DPH5: variants seen among roughly 807,000 people sequenced by gnomAD.
DPH5 encodes the protein diphthine methyl ester synthase.
A neutral mutation model predicts 31.6 loss-of-function variants in DPH5; 31 were observed. The observed-to-expected ratio is 0.98, with a 90% confidence interval of 0.74 to 1.32. DPH5 has a LOEUF of 1.32. Ranked by LOEUF, DPH5 falls within the 40% of genes most tolerant of loss-of-function variation. DPH5 has a pLI of 0.00. For missense variants in DPH5, 309 were observed against 335.7 expected (o/e 0.92, Z 0.62); for synonymous variants, 120 against 115.0 (o/e 1.04, Z -0.28).
At chr1:100,996,929 A>G (rs1350053573) in intron 5 of DPH5, among the ~76,000 whole-genome samples, 4 of 152,258 alleles carry the variant, frequency 2.6e-5, no homozygotes, top group Admixed American at 6.5e-5. Flanking sequence ...AGAATGCCAG[A>G]TGATAAAACG....
intron 3 of DPH5, among the ~76,000 whole-genome samples, chr1:101,020,764 T>C (rs1660384451): frequency 6.6e-6 from 1 of 152,124 alleles, no homozygotes; most frequent in Non-Finnish European, 1.5e-5. Flanking sequence ...ACTCCTTTCC[T>C]TTTCCTTATC....
At chr1:101,015,922 T>A (rs995919095) in intron 3 of DPH5, among the ~76,000 whole-genome samples, 1 of 152,228 alleles carries the variant, frequency 6.6e-6, no homozygotes, top group African/African-American at 2.4e-5. Context: ...TGCCCTGGAT[T>A]AGACTTTAGC....
chr1:101,016,285 C>T (rs1366090851), intron 3 of DPH5, among the ~76,000 whole-genome samples: 4 of 151,930 alleles, frequency 2.6e-5, no homozygotes, highest in African/African-American at 7.2e-5. Flanking sequence ...ACCCGGGAGG[C>T]GGAGCTTGCA....
intron 5 of DPH5, among the ~76,000 whole-genome samples, chr1:100,997,600 C>CTT (rs1658477859): frequency 2.6e-5 from 4 of 152,096 alleles, no homozygotes; most frequent in African/African-American, 4.8e-5. Flanking sequence ...CTTCTGACCT[C>CTT]GTGATCCACC....
chr1:100,993,197 C>T lies in DPH5; in HGVS notation c.531-457G>A, dbSNP rs547786614. 2.6e-5 allele frequency among the ~76,000 whole-genome samples: 4 copies of T among 152,152 alleles called. No homozygotes were observed. The East Asian group carries it at 7.7e-4, about 29-fold the overall frequency. ...CTTAAAAATCTCAGGTGATGGCATA[C>T]GTTTATTTCTGTATGCCTCAAAAGC... is the stretch of plus-strand genomic sequence containing the variant. On this transcript the variant is annotated intron_variant, in intron 6 of 7. Transcript: ENST00000370109.
intron 3 of DPH5, among the ~76,000 whole-genome samples, chr1:101,017,213 T>A (rs1660144359): frequency 6.6e-6 from 1 of 152,160 alleles, no homozygotes; most frequent in Non-Finnish European, 1.5e-5. Flanking sequence ...ATGCAATGTA[T>A]GTGAAATGAA....
intron 3 of DPH5, among the ~76,000 whole-genome samples, chr1:101,019,363 G>A (rs1295547856): frequency 6.6e-6 from 1 of 152,128 alleles, no homozygotes; most frequent in African/African-American, 2.4e-5. Context: ...GAGATGGACA[G>A]TGCTGATAGT....
At chr1:100,997,884 C>T (rs981275416) in intron 5 of DPH5, among the ~76,000 whole-genome samples, 1 of 152,156 alleles carries the variant, frequency 6.6e-6, no homozygotes, top group African/African-American at 2.4e-5. Context: ...TCTACTTTGA[C>T]CTTCTACCCA....
chr1:100,996,567 T>G (rs1658367791), intron 5 of DPH5, among the ~76,000 whole-genome samples: 1 of 152,184 alleles, frequency 6.6e-6, no homozygotes, highest in Non-Finnish European at 1.5e-5. Context: ...TAGCATAATG[T>G]GAAGTACCCA....
intron 5 of DPH5, among the ~76,000 whole-genome samples, chr1:100,997,373 T>C (rs1658447570): frequency 6.6e-6 from 1 of 152,062 alleles, no homozygotes; most frequent in Non-Finnish European, 1.5e-5. Context: ...CTATCTTTTT[T>C]TTTTGCTTTT....
intron 2 of DPH5, among the ~76,000 whole-genome samples, chr1:101,022,764 T>C (rs957962239): frequency 3.9e-5 from 6 of 152,194 alleles, no homozygotes; most frequent in African/African-American, 1.2e-4. Context: ...GAACAAATTA[T>C]TAAGCAGGGC....
At chr1:101,005,735 T>C (rs1659179080) in intron 4 of DPH5, among the ~76,000 whole-genome samples, 1 of 152,232 alleles carries the variant, frequency 6.6e-6, no homozygotes, top group Admixed American at 6.5e-5. Context: ...GACATATTCA[T>C]TATATGCATG....
rs1437484309 is a variant in DPH5 at position 100,991,050 on chromosome 1, A to AT, written c.635-420dup. Among the ~76,000 whole-genome samples the AT allele has an allele frequency of 2.6e-5, 4 of 152,222 alleles. No homozygotes were observed. In the East Asian group the frequency reaches 7.7e-4, roughly 29 times the overall value. ...ATGAGATTATGAAATAAATTCACAG[A>AT]TTTGAGTTTCTGCCTTGCCATCCAA... On this transcript the variant is annotated intron_variant, in intron 7 of 7. Transcript: ENST00000370109.
At chr1:101,021,876 G>GT (rs1660486382) in intron 2 of DPH5, 111 bp from the exon 3 acceptor site, 3 of 1,153,306 alleles carry the variant, frequency 2.6e-6, no homozygotes, top group Non-Finnish European at 3.6e-6. Flanking sequence ...TTTGGGACTG[G>GT]TGCATATGTT....
intron 4 of DPH5, 108 bp from the exon 5 acceptor site, chr1:101,001,695 G>A (rs1449738562): frequency 4.5e-6 from 4 of 880,946 alleles, no homozygotes; most frequent in African/African-American, 1.7e-5. Context: ...TATCCAACTC[G>A]AAATGGGTTG....
At chr1:100,999,694 C>T (rs1658694044) in intron 5 of DPH5, among the ~76,000 whole-genome samples, 1 of 151,654 alleles carries the variant, frequency 6.6e-6, no homozygotes, top group Non-Finnish European at 1.5e-5. Context: ...CAAAAATTAG[C>T]CGGGTGTGGT....
intron 4 of DPH5, among the ~76,000 whole-genome samples, chr1:101,001,951 A>G (rs1361839922): frequency 6.6e-6 from 1 of 152,206 alleles, no homozygotes; most frequent in Admixed American, 6.5e-5. Context: ...CACAAGGTTA[A>G]TATTGTTCTC....
At chr1:101,025,649 C>T in intron 1 of DPH5, 34 bp downstream of exon 1, 2 of 604,514 alleles carry the variant, frequency 3.3e-6, no homozygotes, top group East Asian at 2.9e-5. Flanking sequence ...CCAGTTTTGC[C>T]TCTTGTTACA....
At chr1:101,015,465 T>G (rs989286460) in intron 3 of DPH5, among the ~76,000 whole-genome samples, 3 of 152,232 alleles carry the variant, frequency 2.0e-5, no homozygotes, top group Non-Finnish European at 4.4e-5. Flanking sequence ...TAAACAGATG[T>G]GCTGTCATTC....
Sources: allele counts gnomAD v4.1 joint callset (sites outside exome capture counted in the v4.1 genomes callset), GRCh38; gene constraint gnomAD v4.1.1; transcripts MANE v1.5; gene names NCBI Gene and HGNC (gene_info 2026-07-23, HGNC 2026-07-21).